PRELID2: variants seen among roughly 807,000 people sequenced by gnomAD.
PRELID2 encodes the protein PRELI domain containing 2, also known as PRELI domain-containing protein 2.
In PRELID2, 25 loss-of-function variants were observed where a neutral mutation model predicts 28.4. The ratio of observed to expected loss-of-function variants is 0.88; its 90% CI spans 0.64 to 1.23. The LOEUF is 1.23. Among genes scored for constraint, PRELID2 ranks in the 50% most tolerant of loss-of-function variants. The pLI, the probability that PRELID2 is intolerant of heterozygous loss-of-function variation, is 0.00. For synonymous variants in PRELID2, 76 were observed against 71.6 expected, an observed-to-expected ratio of 1.06 and a Z score of -0.31; for missense variants, 201 against 214.4, an observed-to-expected ratio of 0.94 and a Z score of 0.39.
At chr5:145,483,098 C>T (rs1752177804) in intron 1 of PRELID2, among the ~76,000 whole-genome samples, 1 of 152,084 alleles carries the variant, frequency 6.6e-6, no homozygotes, top group African/African-American at 2.4e-5. Context: ...ATTTTATAGA[C>T]TGAAGTTGTA....
chr5:145,743,023 T>C (rs754532946), intron 1 of PRELID2, among the ~76,000 whole-genome samples: 1 of 151,862 alleles, frequency 6.6e-6, no homozygotes, highest in African/African-American at 2.4e-5. Context: ...CAATATGAAA[T>C]AGAACATTTG....
At chr5:145,486,626 G>A (rs1374732529) in intron 1 of PRELID2, among the ~76,000 whole-genome samples, 2 of 152,112 alleles carry the variant, frequency 1.3e-5, no homozygotes, top group Admixed American at 6.6e-5. Context: ...GGTGGCATGT[G>A]CTGTCAGTAA....
chr5:145,452,706 G>T, the PRELID2 span, among the ~76,000 whole-genome samples: 3 of 151,988 alleles, frequency 2.0e-5, no homozygotes, highest in African/African-American at 7.3e-5. Flanking sequence ...CTTAGCCCAT[G>T]GTATAGATAA....
the PRELID2 span, among the ~76,000 whole-genome samples, chr5:145,354,980 T>C: frequency 6.6e-6 from 1 of 152,102 alleles, no homozygotes; most frequent in Non-Finnish European, 1.5e-5. Context: ...CAAACAAAAT[T>C]GATGATGGAA....
the PRELID2 span, among the ~76,000 whole-genome samples, chr5:145,419,753 T>C: frequency 6.6e-6 from 1 of 152,122 alleles, no homozygotes; most frequent in Non-Finnish European, 1.5e-5. Flanking sequence ...CATTTGTCAA[T>C]TTTGTCTTTT....
At chr5:145,268,454 G>A in the PRELID2 span, among the ~76,000 whole-genome samples, 1 of 152,104 alleles carries the variant, frequency 6.6e-6, no homozygotes, top group East Asian at 1.9e-4. Context: ...CATCCTCCAT[G>A]CCGCCTTCCT....
At chr5:145,292,182 C>A in the PRELID2 span, among the ~76,000 whole-genome samples, 1 of 151,840 alleles carries the variant, frequency 6.6e-6, no homozygotes, top group East Asian at 1.9e-4. Flanking sequence ...CACCTCTAGG[C>A]GACGAGGAAG....
chr5:145,337,154 G>A, the PRELID2 span, among the ~76,000 whole-genome samples: 1 of 151,394 alleles, frequency 6.6e-6, no homozygotes, highest in Non-Finnish European at 1.5e-5. Flanking sequence ...AACACCTTAA[G>A]AAACTAAAAA....
At chr5:145,369,703 T>C in the PRELID2 span, among the ~76,000 whole-genome samples, 4 of 152,142 alleles carry the variant, frequency 2.6e-5, no homozygotes, top group African/African-American at 9.7e-5. Context: ...CCATACTGTC[T>C]TCCACAATGG....
chr5:145,721,617 G>C (rs545224419), intron 1 of PRELID2, among the ~76,000 whole-genome samples: 14 of 152,224 alleles, frequency 9.2e-5, no homozygotes, highest in African/African-American at 3.4e-4. Context: ...AAGGATATTA[G>C]TTAATTGTGG....
chr5:145,348,854 G>T, the PRELID2 span, among the ~76,000 whole-genome samples: 1 of 152,104 alleles, frequency 6.6e-6, no homozygotes, highest in African/African-American at 2.4e-5. Flanking sequence ...CAAATGGAGA[G>T]ATATCATTGT....
At chr5:145,800,272 T>C (rs1393421890) in intron 4 of PRELID2, among the ~76,000 whole-genome samples, 2 of 147,566 alleles carry the variant, frequency 1.4e-5, no homozygotes, top group Non-Finnish European at 3.0e-5. Flanking sequence ...CCTCTCTCCC[T>C]CTCCCCCTTC....
chr5:145,668,398 G>A (rs570834154), intron 1 of PRELID2, among the ~76,000 whole-genome samples: 7 of 151,810 alleles, frequency 4.6e-5, no homozygotes, highest in African/African-American at 1.7e-4. Context: ...GGCAGTCTAG[G>A]GGTACATTTG....
chr5:145,740,788 T>A (rs1366422684), intron 1 of PRELID2, among the ~76,000 whole-genome samples: 1 of 118,054 alleles, frequency 8.5e-6, no homozygotes. Context: ...TTTATACATA[T>A]CTTTATACAT....
At chr5:145,800,779 C>T (rs1432862383) in intron 4 of PRELID2, among the ~76,000 whole-genome samples, 1 of 152,086 alleles carries the variant, frequency 6.6e-6, no homozygotes, top group African/African-American at 2.4e-5. Context: ...TTTAAGACTG[C>T]CAGAGAAGAA....
chr5:145,452,990 A>T, the PRELID2 span, among the ~76,000 whole-genome samples: 9 of 152,320 alleles, frequency 5.9e-5, no homozygotes, highest in East Asian at 1.7e-3. Flanking sequence ...TTCAAAGCAG[A>T]TGCTATTTCT....
intron 1 of PRELID2, among the ~76,000 whole-genome samples, chr5:145,492,585 T>A (rs1240614157): frequency 7.1e-6 from 1 of 141,818 alleles, no homozygotes; most frequent in East Asian, 2.0e-4. Flanking sequence ...ATCCAAAAAT[T>A]CATTGCCTAG....
At chr5:145,363,209 A>G in the PRELID2 span, among the ~76,000 whole-genome samples, 13 of 152,042 alleles carry the variant, frequency 8.6e-5, no homozygotes, top group Middle Eastern at 3.2e-3. Flanking sequence ...TTACCTAGCG[A>G]ACATTGATAG....
intron 1 of PRELID2, among the ~76,000 whole-genome samples, chr5:145,662,614 A>G (rs1754515566): frequency 6.6e-6 from 1 of 152,122 alleles, no homozygotes; most frequent in African/African-American, 2.4e-5. Context: ...TAATGGATTA[A>G]TTCACTTATG....
Sources: gnomAD v4.1 joint callset for allele counts (sites outside exome capture counted in the v4.1 genomes callset) on GRCh38, gnomAD v4.1.1 for gene constraint, MANE v1.5 for transcripts, NCBI Gene and HGNC (gene_info 2026-07-23, HGNC 2026-07-21) for gene names.